Variants in NARS2 observed in about 807,000 individuals in gnomAD.
NARS2 encodes the protein asparaginyl-tRNA synthetase.
Under a neutral mutation model 62.9 loss-of-function variants are expected in NARS2, and 60 were observed. That is an observed-to-expected ratio of 0.95 (90% CI 0.77 to 1.18). The LOEUF (loss-of-function observed/expected upper bound fraction) is 1.18, where lower values mean the gene tolerates loss of function less well. Ranked by LOEUF, NARS2 falls within the 50% of genes most tolerant of loss-of-function variation. The probability of loss-of-function intolerance (pLI) is 0.00; values close to 1 mark genes in which losing one functional copy is unlikely to be tolerated. For synonymous variants in NARS2, 196 were observed against 200.0 expected, an observed-to-expected ratio of 0.98 and a Z score of 0.17; for missense variants, 619 against 576.4, an observed-to-expected ratio of 1.07 and a Z score of -0.76.
intron 5 of NARS2, among the ~76,000 whole-genome samples, chr11:78,551,730 AATCCCAGCT>A (rs1856124468): frequency 6.6e-6 from 1 of 152,170 alleles, no homozygotes; most frequent in Non-Finnish European, 1.5e-5. Flanking sequence ...AGGCGCCTGT[AATCCCAGCT>A]ATTTGGGAGG....
intron 5 of NARS2, among the ~76,000 whole-genome samples, chr11:78,555,604 C>T (rs1056039995): frequency 2.6e-5 from 4 of 152,000 alleles, no homozygotes; most frequent in African/African-American, 9.7e-5. Context: ...AGCTGGTGGC[C>T]TATCATCAAT....
At chr11:78,571,715 A>G (rs1165150796) in intron 1 of NARS2, 3 of 303,596 alleles carry the variant, frequency 9.9e-6, no homozygotes, top group Non-Finnish European at 1.9e-5. Context: ...CCTAATTCAT[A>G]TAATCAATCC....
rs1475741475 is a variant in NARS2 at position 78,571,362 on chromosome 11, A to G, written c.224T>C (p.Val75Ala). The G allele has an allele frequency of 1.2e-6, 2 of 1,613,554 alleles. No individual in the cohort carries two copies. The highest frequency in any genetic ancestry group is 1.3e-5 in the African/African-American group (1 of 74,942). ...ACTGTCAAGGCCTGAATCTGCAACAACCTGAAGGCTTTCCAAAGATGACCC... is the reference window on the plus strand; with the variant it reads ...ACTGTCAAGGCCTGAATCTGCAACAGCCTGAAGGCTTTCCAAAGATGACCC... The part of the protein sequence containing the change: ...NDGSSLESLQ[V>A]VADSGLDSRE... Residue 75 changes from valine (V) to alanine (A), a missense_variant, in exon 2 of 14, where the codon GTT (valine) becomes GCT (alanine). Physicochemically the swap from Val to Ala is moderately conservative, Grantham distance 64 (BLOSUM62 0). Transcript: ENST00000281038.
chr11:78,456,437 T>C (rs74880534), intron 11 of NARS2, among the ~76,000 whole-genome samples: 50 of 152,354 alleles, frequency 3.3e-4, no homozygotes, highest in East Asian at 3.1e-3. Flanking sequence ...TAGGATTCTC[T>C]TTAGTCCTAG....
At chr11:78,543,814 C>T (rs1306132283) in intron 5 of NARS2, among the ~76,000 whole-genome samples, 1 of 151,964 alleles carries the variant, frequency 6.6e-6, no homozygotes, top group Non-Finnish European at 1.5e-5. Flanking sequence ...GGGCAGACCA[C>T]GAGGTCAAGA....
chr11:78,574,448 C>G lies in NARS2; in HGVS notation c.41G>C (p.Cys14Ser). ...GTGCTTGGGGAAGGGGGCGGAGGAA[C>G]AGAAGCGCACGGACCGCAGCAGGCA... ...VRCLLRSVRF[C>S]SSAPFPKHKP... Residue 14 changes from cysteine to serine, a missense_variant, in exon 1 of 14, where the codon TGT (cysteine) becomes TCT (serine). Physicochemically the swap from Cys to Ser is moderately radical, Grantham distance 112. Transcript: ENST00000281038. The G allele has an allele frequency of 2.5e-6, 4 of 1,613,946 alleles. No homozygotes were observed. The highest frequency in any genetic ancestry group is 2.5e-6 in the Non-Finnish European group (3 of 1,179,952).
intron 12 of NARS2, among the ~76,000 whole-genome samples, chr11:78,442,827 G>C (rs1857616632): frequency 1.3e-5 from 2 of 152,126 alleles, no homozygotes; most frequent in Non-Finnish European, 2.9e-5. Flanking sequence ...CAGCAAGTTA[G>C]AATAAAGTTA....
In NARS2 at chr11:78,571,317, TTAA is replaced by T; in HGVS notation, c.251+15_251+17del. ...GAAAAACAAAAATCAAAGAATTCTT[TTAA>T]AAAACAAAACTCACCTACTGTCAAG... On this transcript the variant is annotated intron_variant, in intron 2 of 13. Coordinates refer to ENST00000281038, the MANE Select transcript of NARS2 (RefSeq NM_024678.6). 1.9e-6 allele frequency: 3 copies of T among 1,557,756 alleles called. No homozygotes were observed. Among genetic ancestry groups the T allele is most frequent in the Non-Finnish European group, 2.7e-6 (3 of 1,129,710 alleles).
At position 78,512,058 on chromosome 11, in the gene NARS2, T is replaced by C. The variant is rs116712246; in HGVS notation, c.689+16784A>G. Among the ~76,000 whole-genome samples the C allele has an allele frequency of 5.5e-3, 838 of 152,324 alleles. 14 individuals are homozygous for C. The highest frequency in any genetic ancestry group is 0.019 in the African/African-American group (805 of 41,578). On this transcript the variant is annotated intron_variant, in intron 6 of 13. Coordinates refer to ENST00000281038, the MANE Select transcript of NARS2 (RefSeq NM_024678.6). ...TCCAAGAACAAAAGAATCTGGAACATAGTGACACCTCATTGCCAACATAAA... is the reference window on the plus strand; with the variant it reads ...TCCAAGAACAAAAGAATCTGGAACACAGTGACACCTCATTGCCAACATAAA...
At chr11:78,461,333 A>C (rs1178709966) in intron 11 of NARS2, among the ~76,000 whole-genome samples, 1 of 152,122 alleles carries the variant, frequency 6.6e-6, no homozygotes, top group Non-Finnish European at 1.5e-5. Context: ...TGTACAGGAG[A>C]CTAAGAAAGA....
At chr11:78,559,289 G>T in intron 5 of NARS2, among the ~76,000 whole-genome samples, 1 of 97,902 alleles carries the variant, frequency 1.0e-5, no homozygotes, top group Non-Finnish European at 1.8e-5. Context: ...GCCACAGAGT[G>T]AGACTCCATC....
At chr11:78,463,923 A>G (rs778240338) in intron 11 of NARS2, among the ~76,000 whole-genome samples, 1 of 152,122 alleles carries the variant, frequency 6.6e-6, no homozygotes, top group Non-Finnish European at 1.5e-5. Flanking sequence ...TGCTCTGCCA[A>G]GCCAGCTTTT....
intron 5 of NARS2, among the ~76,000 whole-genome samples, chr11:78,539,562 A>G (rs1237073650): frequency 6.6e-6 from 1 of 152,226 alleles, no homozygotes; most frequent in East Asian, 1.9e-4. Flanking sequence ...ACAAATCTGG[A>G]GCTCAGAAAC....
At chr11:78,571,489 G>C in intron 1 of NARS2, 45 bp from the exon 2 acceptor site, 6 of 1,382,550 alleles carry the variant, frequency 4.3e-6, no homozygotes, top group Middle Eastern at 1.8e-4. Context: ...AACATTTTAC[G>C]TTTTCATTAC....
intron 5 of NARS2, among the ~76,000 whole-genome samples, chr11:78,535,453 A>C (rs1474153519): frequency 6.6e-6 from 1 of 152,246 alleles, no homozygotes; most frequent in African/African-American, 2.4e-5. Context: ...ATTATAAAAA[A>C]TATTTCTGAA....
chr11:78,449,686 A>T (rs1857895946), intron 11 of NARS2, among the ~76,000 whole-genome samples: 1 of 152,144 alleles, frequency 6.6e-6, no homozygotes, highest in African/African-American at 2.4e-5. Context: ...AACATTTTTA[A>T]CTAGATACTT....
At chr11:78,564,843 T>A (rs538534247) in intron 4 of NARS2, among the ~76,000 whole-genome samples, 45 of 152,362 alleles carry the variant, frequency 3.0e-4, no homozygotes, top group Admixed American at 6.5e-4. Context: ...CAAAAGCATA[T>A]GCCTTAAAGC....
intron 11 of NARS2, among the ~76,000 whole-genome samples, chr11:78,457,815 C>T (rs1156504373): frequency 6.6e-6 from 1 of 151,764 alleles, no homozygotes; most frequent in African/African-American, 2.4e-5. Flanking sequence ...CACACACACA[C>T]ACACACACAC....
chr11:78,519,425 A>C (rs964644680), intron 6 of NARS2, among the ~76,000 whole-genome samples: 1 of 152,226 alleles, frequency 6.6e-6, no homozygotes, highest in Non-Finnish European at 1.5e-5. Flanking sequence ...TGAAAAAATA[A>C]ACTTGAGGAA....
Sources: allele counts gnomAD v4.1 joint callset (sites outside exome capture counted in the v4.1 genomes callset), GRCh38; gene constraint gnomAD v4.1.1; transcripts MANE v1.5; gene names NCBI Gene and HGNC (gene_info 2026-07-23, HGNC 2026-07-21).